The following GSDME variants were observed in gnomAD, a reference collection of about 807,000 sequenced individuals.
GSDME encodes the protein gasdermin E, also known as gasdermin-E.
GSDME carries 44 observed loss-of-function variants against 47.5 expected under a neutral mutation model. The observed-to-expected ratio is 0.93, with a 90% CI of 0.73 to 1.19. The LOEUF is 1.19. GSDME is among the 50% of genes most tolerant of loss of function. GSDME has a pLI of 0.00. For missense variants in GSDME, 663 were observed against 604.2 expected, an observed-to-expected ratio of 1.10 and a Z score of -1.02; for synonymous variants, 258 against 252.8, an observed-to-expected ratio of 1.02 and a Z score of -0.20.
At chr7:24,738,269 C>A (rs971324316) in intron 3 of GSDME, among the ~76,000 whole-genome samples, 3 of 152,104 alleles carry the variant, frequency 2.0e-5, no homozygotes, top group Non-Finnish European at 4.4e-5. Flanking sequence ...TAAACAAATT[C>A]ACTAAAGTTG....
chr7:24,702,945 A>G, intron 8 of GSDME, 112 bp from the exon 9 acceptor site: 2 of 849,642 alleles, frequency 2.4e-6, no homozygotes, highest in East Asian at 2.8e-5. Flanking sequence ...CCAGCCAGGC[A>G]GGGGAGGTAC....
chr7:24,705,837 T>A lies in GSDME; in HGVS notation c.1183+347A>T, dbSNP rs1316065502. 7.0e-5 allele frequency: 27 copies of A among 388,186 alleles called. No homozygotes were observed. Among genetic ancestry groups the A allele is most frequent in the Non-Finnish European group, 1.3e-4 (27 of 204,116 alleles). The allele number at this position is 388,186 out of a possible 1,614,324, so 24.0% of individuals were successfully genotyped here. A position where few individuals can be genotyped will look rare whatever the true frequency, so the allele number is the denominator to read the frequency against. ...AGGAGAGCAGTTGGCAAATGAAAGT[T>A]GCTGCCACTCAGCTCTGCTGGGACT... On this transcript the variant is annotated intron_variant, in intron 8 of 9. Coordinates refer to ENST00000645220, the MANE Select transcript of GSDME (RefSeq NM_001127453.2). This position sits in a 1 kb window ranked among gnomAD's most constrained non-coding sequence, Gnocchi z 4.1.
the GSDME span, among the ~76,000 whole-genome samples, chr7:24,776,512 C>A: frequency 6.6e-6 from 1 of 152,190 alleles, no homozygotes; most frequent in Non-Finnish European, 1.5e-5. Flanking sequence ...CAGCTCCCCA[C>A]TCCCAACTAT....
chr7:24,782,823 A>G, the GSDME span, among the ~76,000 whole-genome samples: 8 of 152,188 alleles, frequency 5.3e-5, no homozygotes, highest in African/African-American at 1.9e-4. Flanking sequence ...ACCAGTGATG[A>G]TGAGTATTTT....
At chr7:24,785,371 G>T in the GSDME span, among the ~76,000 whole-genome samples, 1 of 152,158 alleles carries the variant, frequency 6.6e-6, no homozygotes, top group Non-Finnish European at 1.5e-5. Context: ...AAATACTAAA[G>T]AAATATCAAC....
Position 24,744,725 on chromosome 7 carries a change from C to T in GSDME, c.241G>A (p.Glu81Lys), listed in dbSNP as rs746220504. 7.4e-6 allele frequency: 12 copies of T among 1,614,010 alleles called. No homozygotes were observed. The highest frequency in any genetic ancestry group is 5.5e-5 in the South Asian group (5 of 91,058). The stretch of plus-strand genomic sequence containing the variant: ...CTCACGTGGTTTGCAAACTTGCCCT[C>T]GTATTTCACAAAGTCCGACTCCACG... ...VVVESDFVKYEGKFANHVSGT... is the reference protein window; with the variant it reads ...VVVESDFVKYKGKFANHVSGT... Residue 81 changes from glutamate to lysine, a missense_variant, in exon 3 of 10, where the codon GAG (glutamate) becomes AAG (lysine). Transcript: ENST00000645220. This position sits in a 1 kb window ranked among gnomAD's most constrained non-coding sequence, Gnocchi z 4.5.
At chr7:24,708,902 G>T (rs999757742) in intron 6 of GSDME, among the ~76,000 whole-genome samples, 17 of 151,980 alleles carry the variant, frequency 1.1e-4, no homozygotes, top group East Asian at 1.9e-4. Context: ...TTGTTTTTTG[G>T]TTTTTTTGTT....
intron 7 of GSDME, chr7:24,707,548 T>G: frequency 2.5e-6 from 1 of 396,598 alleles, no homozygotes; most frequent in East Asian, 7.3e-5. Flanking sequence ...CCAACATATG[T>G]TACCTGGAAC....
the GSDME span, among the ~76,000 whole-genome samples, chr7:24,785,508 T>G: frequency 6.6e-6 from 1 of 152,304 alleles, no homozygotes; most frequent in East Asian, 1.9e-4. Context: ...CAGTCTGGAG[T>G]GCAGTGGCGC....
chr7:24,718,389 A>G (rs1016479029), intron 4 of GSDME, among the ~76,000 whole-genome samples: 148 of 152,364 alleles, frequency 9.7e-4, no homozygotes, highest in African/African-American at 3.4e-3. Flanking sequence ...CTCACAGATC[A>G]GCTTGGTAAG....
At chr7:24,727,139 GGGGGAT>G (rs544869795) in intron 3 of GSDME, among the ~76,000 whole-genome samples, 118 of 152,286 alleles carry the variant, frequency 7.7e-4, no homozygotes, top group African/African-American at 2.7e-3. Flanking sequence ...GGACATGGGA[GGGGGAT>G]GGCCCTGATC....
the GSDME span, among the ~76,000 whole-genome samples, chr7:24,770,415 G>A: frequency 6.6e-6 from 1 of 152,168 alleles, no homozygotes; most frequent in Non-Finnish European, 1.5e-5. This position sits in a 1 kb window ranked among gnomAD's most constrained non-coding sequence, Gnocchi z 4.6. Context: ...TGAGTTCTGT[G>A]AGTCATTCCA....
In GSDME at chr7:24,728,795, G is replaced by C. The variant is rs1224998150; in HGVS notation, c.405-9577C>G. ...CATCAGAGATGCTCAGCCCACAGCC[G>C]GGGGCAGGAAATCTCTAGAAACCTC... is the stretch of plus-strand genomic sequence containing the variant. On this transcript the variant is annotated intron_variant, in intron 3 of 9. Coordinates refer to ENST00000645220, the MANE Select transcript of GSDME (RefSeq NM_001127453.2). This position sits in a 1 kb window ranked among gnomAD's most constrained non-coding sequence, Gnocchi z 7.2. Among the ~76,000 whole-genome samples the C allele has an allele frequency of 2.0e-5, 3 of 152,186 alleles. No homozygotes were observed. Among genetic ancestry groups the C allele is most frequent in the Non-Finnish European group, 1.5e-5 (1 of 68,028 alleles).
chr7:24,703,288 A>T, intron 8 of GSDME: 1 of 301,528 alleles, frequency 3.3e-6, no homozygotes. Context: ...TGTAAACTAT[A>T]AAGGGCTCTA....
chr7:24,706,465 A>T, intron 7 of GSDME, 89 bp from the exon 8 acceptor site: 1 of 1,320,182 alleles, frequency 7.6e-7, no homozygotes, highest in Non-Finnish European at 1.1e-6. Context: ...CACAAGCCCC[A>T]GCCCTTCCCA....
chr7:24,706,686 G>A (rs1789121841), intron 7 of GSDME, among the ~76,000 whole-genome samples: 1 of 152,244 alleles, frequency 6.6e-6, no homozygotes, highest in Admixed American at 6.5e-5. Flanking sequence ...ACAGAACTGG[G>A]GAGGGCGATG....
Position 24,728,099 on chromosome 7 carries a change from C to T in GSDME, c.405-8881G>A, listed in dbSNP as rs1302410730. 6.6e-6 allele frequency among the ~76,000 whole-genome samples: 1 copy of T among 152,174 alleles called. No homozygotes were observed. The highest frequency in any genetic ancestry group is 2.4e-5 in the African/African-American group (1 of 41,442). ...GTCTCTCGGCCATTCTTGGTCACTC[C>T]GTTTTTCTTATCAGGAATCGGGGGC... On this transcript the variant is annotated intron_variant, in intron 3 of 9. Transcript: ENST00000645220. This position sits in a 1 kb window ranked among gnomAD's most constrained non-coding sequence, Gnocchi z 7.2.
intron 8 of GSDME, 108 bp from the exon 9 acceptor site, chr7:24,702,941 A>T: frequency 1.2e-6 from 1 of 853,124 alleles, no homozygotes; most frequent in Non-Finnish European, 1.9e-6. Context: ...CCCGCCAGCC[A>T]GGCAGGGGAG....
chr7:24,704,211 A>G (rs1789000896), intron 8 of GSDME: 1 of 152,204 alleles, frequency 6.6e-6, no homozygotes, highest in African/African-American at 2.4e-5. Flanking sequence ...TGTTTCTTGA[A>G]CTGAAATTAT....
Sources: allele counts gnomAD v4.1 joint callset (sites outside exome capture counted in the v4.1 genomes callset), GRCh38; gene constraint gnomAD v4.1.1; non-coding constraint Gnocchi (gnomAD v3.1); transcripts MANE v1.5; gene names NCBI Gene and HGNC (gene_info 2026-07-23, HGNC 2026-07-21).